The following TEX9 variants were observed in gnomAD, a reference collection of about 807,000 sequenced individuals.
TEX9 encodes testis-expressed protein 9.
In TEX9, 74 loss-of-function variants were observed where a neutral mutation model predicts 59.6. The ratio of observed to expected loss-of-function variants is 1.24; its 90% CI spans 1.03 to 1.51. The LOEUF (loss-of-function observed/expected upper bound fraction) is 1.51, where lower values mean the gene tolerates loss of function less well. Among genes scored for constraint, TEX9 ranks in the 40% most tolerant of loss-of-function variants. TEX9 has a pLI of 0.00. For synonymous variants in TEX9, 186 were observed against 152.2 expected, an observed-to-expected ratio of 1.22 and a Z score of -1.64; for missense variants, 522 against 447.8, an observed-to-expected ratio of 1.17 and a Z score of -1.49.
rs747699751 is a variant in TEX9 at position 56,389,302 on chromosome 15, A to G, written c.313-16A>G. ...TAGACTCTAATTAGTCAATACTTTC[A>G]ATTCTTTTCATGTAGCCAAAGACCA... On this transcript the variant is annotated splice_polypyrimidine_tract_variant and intron_variant, in intron 5 of 12. Coordinates refer to ENST00000352903, the Ensembl canonical transcript of TEX9. The G allele has an allele frequency of 6.3e-7, 1 of 1,595,464 alleles. No individual in the cohort carries two copies. Among genetic ancestry groups the G allele is most frequent in the South Asian group, 1.1e-5 (1 of 90,260 alleles).
rs185803241 is a variant in TEX9 at position 56,335,811 on chromosome 15, T to A, written c.-106-37630T>A. ...CCCACAAAAATTAAAAATAAAAAAATTTGTTAAAGTGTGCAATGTATTTAA... is the reference window on the plus strand; with the variant it reads ...CCCACAAAAATTAAAAATAAAAAAAATTGTTAAAGTGTGCAATGTATTTAA... On this transcript the variant is annotated intron_variant, in intron 1 of 5. Coordinates refer to the TEX9 transcript ENST00000560827. 2.8e-3 allele frequency among the ~76,000 whole-genome samples: 424 copies of A among 152,240 alleles called. 4 individuals carry two copies. The highest frequency in any genetic ancestry group is 9.7e-3 in the African/African-American group (404 of 41,544).
chr15:56,323,153 C>G (rs913313182), intron 1 of TEX9: 1 of 217,034 alleles, frequency 4.6e-6, no homozygotes, highest in Non-Finnish European at 9.8e-6. Flanking sequence ...ATCAAAATGT[C>G]CTCATATGCA....
chr15:56,281,012 AT>A (rs1249708043), intron 1 of TEX9, among the ~76,000 whole-genome samples: 17 of 151,706 alleles, frequency 1.1e-4, no homozygotes, highest in South Asian at 8.4e-4. Context: ...GTGCTACAGG[AT>A]TTTTTTTTCA....
At chr15:56,410,156 A>ATAG in intron 9 of TEX9, 1 of 152,186 alleles carries the variant, frequency 6.6e-6, no homozygotes, top group East Asian at 1.9e-4. Context: ...TGAGTCTACC[A>ATAG]CAGCTGGCAG....
exon 9 of TEX9, chr15:56,394,681 A>G (rs747152578): frequency 6.3e-7 from 1 of 1,599,166 alleles, no homozygotes; most frequent in Non-Finnish European, 8.5e-7. Context: ...TTCAGAATTT[A>G]AAGTCTCAAG....
At chr15:56,294,895 G>A (rs982405283) in intron 1 of TEX9, among the ~76,000 whole-genome samples, 2 of 152,128 alleles carry the variant, frequency 1.3e-5, no homozygotes, top group African/African-American at 2.4e-5. Flanking sequence ...AGAGACCAAG[G>A]TAGAGACTGA....
intron 1 of TEX9, among the ~76,000 whole-genome samples, chr15:56,319,393 C>A (rs2045852533): frequency 6.6e-6 from 1 of 151,626 alleles, no homozygotes; most frequent in Admixed American, 6.6e-5. Flanking sequence ...ATACATAAGA[C>A]AAATCACAGA....
chr15:56,439,136 A>C (rs2050777740), intron 12 of TEX9, among the ~76,000 whole-genome samples: 1 of 152,198 alleles, frequency 6.6e-6, no homozygotes. Flanking sequence ...TTCACTAGCA[A>C]CGAGTACACG....
chr15:56,413,283 ATT>A (rs1225789063), intron 10 of TEX9, among the ~76,000 whole-genome samples: 1 of 678 alleles, frequency 1.5e-3, no homozygotes, highest in Admixed American at 0.017. Context: ...TAATTAAATA[ATT>A]TAATAATAAA....
At position 56,344,715 on chromosome 15, in the gene TEX9, T is replaced by C. The variant is rs182246633; in HGVS notation, c.-106-28726T>C. 2.6e-4 allele frequency among the ~76,000 whole-genome samples: 40 copies of C among 152,206 alleles called. No homozygotes were observed. The East Asian group carries it at 6.8e-3, about 26-fold the overall frequency. ...TCATATTTGGATATTTGGCCAAATGTGAAATTAGAAAAAAAATCATTAGGA... is the reference window on the plus strand; with the variant it reads ...TCATATTTGGATATTTGGCCAAATGCGAAATTAGAAAAAAAATCATTAGGA... On this transcript the variant is annotated intron_variant, in intron 1 of 5. Coordinates refer to the TEX9 transcript ENST00000560827.
intron 9 of TEX9, among the ~76,000 whole-genome samples, chr15:56,405,427 T>A (rs1044401084): frequency 2.6e-5 from 4 of 152,184 alleles, no homozygotes; most frequent in African/African-American, 9.7e-5. Context: ...TCTGTGTTTT[T>A]TCAACAAATC....
intron 12 of TEX9, among the ~76,000 whole-genome samples, chr15:56,431,046 A>G (rs2140316509): frequency 6.6e-6 from 1 of 152,316 alleles, no homozygotes; most frequent in East Asian, 1.9e-4. Context: ...CTGTAATCCC[A>G]GCTACTCAGG....
At chr15:56,354,215 G>T (rs2046641389) in intron 1 of TEX9, among the ~76,000 whole-genome samples, 1 of 152,170 alleles carries the variant, frequency 6.6e-6, no homozygotes. Flanking sequence ...GATGTCACTG[G>T]CTTTTGCTCC....
chr15:56,371,527 T>G (rs371376030), intron 2 of TEX9, among the ~76,000 whole-genome samples: 2 of 152,284 alleles, frequency 1.3e-5, no homozygotes, highest in South Asian at 4.1e-4. Flanking sequence ...TCTCTTGTTC[T>G]TATAGTATAA....
chr15:56,300,875 TAAG>T (rs1199584533), intron 1 of TEX9, among the ~76,000 whole-genome samples: 1 of 152,186 alleles, frequency 6.6e-6, no homozygotes, highest in Non-Finnish European at 1.5e-5. Flanking sequence ...AAAGCTTTCC[TAAG>T]AAGAACAGGT....
At chr15:56,446,920 T>G, downstream of TEX9, 1 of 1,608,862 alleles carries the variant, frequency 6.2e-7, no homozygotes. Context: ...TTTTAATTTC[T>G]TCTCCAATTC....
chr15:56,429,282 G>GT, intron 12 of TEX9: 1 of 796,666 alleles, frequency 1.3e-6, no homozygotes, highest in Non-Finnish European at 2.0e-6. Flanking sequence ...GATTAGTAAA[G>GT]TTATCTCCAA....
chr15:56,308,016 A>G (rs1037906373), intron 1 of TEX9, among the ~76,000 whole-genome samples: 3 of 152,182 alleles, frequency 2.0e-5, no homozygotes, highest in African/African-American at 7.2e-5. Flanking sequence ...CTTTTTAGCT[A>G]TTATGAATAA....
intron 1 of TEX9, among the ~76,000 whole-genome samples, chr15:56,301,598 T>C (rs1216257826): frequency 6.6e-6 from 1 of 152,022 alleles, no homozygotes; most frequent in Non-Finnish European, 1.5e-5. Flanking sequence ...GGCAGCAGAC[T>C]TCTCAGTGTA....
Sources: allele counts gnomAD v4.1 joint callset (sites outside exome capture counted in the v4.1 genomes callset), GRCh38; gene constraint gnomAD v4.1.1; transcripts MANE v1.5; gene names NCBI Gene and HGNC (gene_info 2026-07-23, HGNC 2026-07-21).